Variants in COL5A2 observed in about 807,000 individuals in gnomAD.
COL5A2 encodes the protein collagen type V alpha 2 chain.
COL5A2 carries 23 observed loss-of-function variants against 208.2 expected under a neutral mutation model. That is an observed-to-expected ratio of 0.11 (90% CI 0.08 to 0.16). COL5A2 has a LOEUF of 0.16. Ranked by LOEUF, COL5A2 falls within the 10% of genes least tolerant of loss-of-function variation. COL5A2 has a pLI of 1.00. For synonymous variants in COL5A2, 625 were observed against 628.5 expected, an observed-to-expected ratio of 0.99 and a Z score of 0.08; for missense variants, 1,590 against 1,956.4, an observed-to-expected ratio of 0.81 and a Z score of 3.53.
chr2:189,305,270 C>A, the COL5A2 span, among the ~76,000 whole-genome samples: 1 of 152,186 alleles, frequency 6.6e-6, no homozygotes, highest in East Asian at 1.9e-4. Context: ...CATTTACGAG[C>A]CTGCTGCTAT....
intron 18 of COL5A2, among the ~76,000 whole-genome samples, chr2:189,070,728 G>T (rs1187322287): frequency 6.6e-6 from 1 of 152,100 alleles, no homozygotes; most frequent in Admixed American, 6.5e-5. Flanking sequence ...GGGACGGAGG[G>T]TCTCACAAAA....
At chr2:189,067,461 T>C (rs950138774) in intron 21 of COL5A2, among the ~76,000 whole-genome samples, 8 of 152,162 alleles carry the variant, frequency 5.3e-5, no homozygotes, top group Non-Finnish European at 2.9e-5. Context: ...AATATTTATT[T>C]TTATACATCA....
upstream of COL5A2, among the ~76,000 whole-genome samples, chr2:189,183,662 A>G (rs555700095): frequency 6.6e-6 from 1 of 152,222 alleles, no homozygotes; most frequent in South Asian, 2.1e-4. Flanking sequence ...TTTTCCCTCA[A>G]CCTGCATCCT....
intron 1 of COL5A2, among the ~76,000 whole-genome samples, chr2:189,222,299 T>C (rs957296891): frequency 1.3e-5 from 2 of 152,150 alleles, no homozygotes; most frequent in Non-Finnish European, 2.9e-5. Flanking sequence ...TTCAGTAGGA[T>C]TGAGGGTGTG....
intron 1 of COL5A2, among the ~76,000 whole-genome samples, chr2:189,125,552 T>A (rs1290495789): frequency 2.0e-5 from 3 of 152,236 alleles, no homozygotes; most frequent in African/African-American, 7.2e-5. Flanking sequence ...ATGAAGATAA[T>A]AAGAATGACT....
intron 34 of COL5A2, 107 bp from the exon 35 acceptor site, chr2:189,057,133 C>T (rs958063799): frequency 6.9e-6 from 9 of 1,303,084 alleles, no homozygotes; most frequent in African/African-American, 2.9e-5. Context: ...CTAGTCGTAT[C>T]CAGGTGAGCC....
chr2:189,059,804 C>T (rs932322415), intron 31 of COL5A2, among the ~76,000 whole-genome samples: 1 of 151,500 alleles, frequency 6.6e-6, no homozygotes, highest in African/African-American at 2.4e-5. Context: ...AGGCTGGTCT[C>T]GAACTCCTGA....
the COL5A2 span, among the ~76,000 whole-genome samples, chr2:189,291,102 T>A: frequency 1.0e-3 from 159 of 152,250 alleles, no homozygotes; most frequent in Non-Finnish European, 1.9e-3. Flanking sequence ...CTAATACATT[T>A]AAGAACTGTC....
chr2:189,194,818 ATTCTGACGAAGGCCTT>A (rs1305348410), intron 1 of COL5A2, among the ~76,000 whole-genome samples: 5 of 152,184 alleles, frequency 3.3e-5, no homozygotes, highest in South Asian at 2.1e-4. Context: ...GGGATGTTGA[ATTCTGACGAAGGCCTT>A]TTCTGCATCT....
chr2:189,043,398 T>A (rs2153507041), intron 47 of COL5A2, 140 bp from the exon 48 acceptor site: 5 of 587,488 alleles, frequency 8.5e-6, no homozygotes, highest in Non-Finnish European at 3.0e-6. Context: ...TATTTACTTA[T>A]CTAAAAATAG....
chr2:189,256,918 G>A, the COL5A2 span, among the ~76,000 whole-genome samples: 5 of 152,268 alleles, frequency 3.3e-5, no homozygotes, highest in South Asian at 2.1e-4. Context: ...GTAAGCCACC[G>A]CGCCCAGCCA....
At chr2:189,366,956 A>G in the COL5A2 span, among the ~76,000 whole-genome samples, 1 of 152,162 alleles carries the variant, frequency 6.6e-6, no homozygotes, top group Admixed American at 6.6e-5. Flanking sequence ...ATCCTCCACC[A>G]GAAACTCTCC....
the COL5A2 span, among the ~76,000 whole-genome samples, chr2:189,230,318 T>C: frequency 6.6e-6 from 1 of 151,510 alleles, no homozygotes; most frequent in East Asian, 1.9e-4. Flanking sequence ...AAAGCAAAAA[T>C]TAAAAATGGG....
the COL5A2 span, among the ~76,000 whole-genome samples, chr2:189,320,201 A>C: frequency 0.036 from 5,542 of 152,290 alleles, 116 homozygotes; most frequent in Admixed American, 0.05. Context: ...TAGATAAAAA[A>C]CACAAAGATG....
intron 1 of COL5A2, among the ~76,000 whole-genome samples, chr2:189,144,616 TA>T (rs1402774410): frequency 6.6e-6 from 1 of 151,706 alleles, no homozygotes; most frequent in South Asian, 2.1e-4. Context: ...CTTCTTGAAT[TA>T]AAAAATACAT....
the COL5A2 span, among the ~76,000 whole-genome samples, chr2:189,382,658 C>G: frequency 6.6e-6 from 1 of 152,160 alleles, no homozygotes; most frequent in Non-Finnish European, 1.5e-5. Flanking sequence ...TATTTATTCA[C>G]CTGGGTGCAA....
At chr2:189,047,448 T>C (rs1685694603) in intron 45 of COL5A2, among the ~76,000 whole-genome samples, 1 of 152,178 alleles carries the variant, frequency 6.6e-6, no homozygotes, top group South Asian at 2.1e-4. Flanking sequence ...TATCCTGTAG[T>C]GGAGTGTTTA....
rs111401093 is a variant in COL5A2 at position 189,064,869 on chromosome 2, G to T, written c.1617+135C>A. On this transcript the variant is annotated intron_variant, in intron 24 of 53. Transcript: ENST00000374866. ...AGGAATTACACAAGAGAGGATTGGG[G>T]TTAGGCCTGGTATTTGTATCCATCT... 210 of 921,238 alleles carry T rather than the reference G, an allele frequency of 2.3e-4. 1 individual carries two copies. In the African/African-American group the frequency reaches 2.6e-3, roughly 11 times the overall value. The allele number at this position is 921,238 out of a possible 1,614,324, so 57.1% of individuals were successfully genotyped here.
chr2:189,400,331 C>T, the COL5A2 span, among the ~76,000 whole-genome samples: 26 of 152,248 alleles, frequency 1.7e-4, no homozygotes, highest in African/African-American at 6.3e-4. Flanking sequence ...ACCTTTGTCT[C>T]ACATATTTCT....
Sources: gnomAD v4.1 joint callset for allele counts (sites outside exome capture counted in the v4.1 genomes callset) on GRCh38, gnomAD v4.1.1 for gene constraint, MANE v1.5 for transcripts, NCBI Gene and HGNC (gene_info 2026-07-23, HGNC 2026-07-21) for gene names.